The following RNF125 variants were observed in gnomAD, a reference collection of about 807,000 sequenced individuals.
RNF125 encodes the protein E3 ubiquitin-protein ligase RNF125.
RNF125 carries 21 observed loss-of-function variants against 26.0 expected under a neutral mutation model. That is an observed-to-expected ratio of 0.81 (90% CI 0.57 to 1.16). The LOEUF (loss-of-function observed/expected upper bound fraction) is 1.16, where lower values mean the gene tolerates loss of function less well. RNF125 is among the 50% of genes most tolerant of loss of function. The probability of loss-of-function intolerance (pLI) is 0.00; values close to 1 mark genes in which losing one functional copy is unlikely to be tolerated. For missense variants in RNF125, 270 were observed against 299.4 expected (o/e 0.90, Z 0.72); for synonymous variants, 95 against 109.2 (o/e 0.87, Z 0.81).
intron 4 of RNF125, among the ~76,000 whole-genome samples, chr18:32,051,709 T>TG (rs1555693504): frequency 2.7e-5 from 4 of 150,390 alleles, no homozygotes; most frequent in Non-Finnish European, 4.4e-5. Context: ...TTTTTTTTTT[T>TG]GTTTGAGATA....
At chr18:32,056,241 G>T (rs1051919614) in intron 4 of RNF125, among the ~76,000 whole-genome samples, 1 of 151,852 alleles carries the variant, frequency 6.6e-6, no homozygotes, top group African/African-American at 2.4e-5. Flanking sequence ...CAGACTTCAG[G>T]TACTGACTCC....
chr18:32,043,148 C>CA lies in RNF125; in HGVS notation c.413+885dup, dbSNP rs548477193. On this transcript the variant is annotated intron_variant, in intron 3 of 5. Coordinates refer to ENST00000217740, the MANE Select transcript of RNF125 (RefSeq NM_017831.4). ...TGGGTGACAGAGCGAGACTCTGTCT[C>CA]AAAAAAAAAAGAAACACATCTAAGT... 9.1e-3 allele frequency among the ~76,000 whole-genome samples: 1,306 copies of CA among 143,772 alleles called. 14 individuals are homozygous for CA. Among genetic ancestry groups the CA allele is most frequent in the Non-Finnish European group, 0.013 (857 of 65,458 alleles). 94.3% of individuals were successfully genotyped at this position (143,772 alleles called of 152,430 possible).
At chr18:32,059,719 A>C (rs1162174287) in intron 4 of RNF125, among the ~76,000 whole-genome samples, 1 of 152,126 alleles carries the variant, frequency 6.6e-6, no homozygotes, top group Non-Finnish European at 1.5e-5. Flanking sequence ...GAGTTTCTCC[A>C]ATGTTTTCTT....
intron 1 of RNF125, among the ~76,000 whole-genome samples, chr18:32,029,612 C>G (rs1283393702): frequency 9.6e-6 from 1 of 104,312 alleles, no homozygotes; most frequent in Non-Finnish European, 2.0e-5. Context: ...AGAATGAGAC[C>G]CTGCCTCAAA....
the RNF125 span, among the ~76,000 whole-genome samples, chr18:32,089,130 G>C: frequency 2.6e-5 from 4 of 152,302 alleles, no homozygotes; most frequent in East Asian, 7.7e-4. Flanking sequence ...GTGAAGCTAG[G>C]ACATATCTCA....
At chr18:32,076,221 T>A, downstream of RNF125, 1 of 463,474 alleles carries the variant, frequency 2.2e-6, no homozygotes, top group African/African-American at 2.0e-5. Context: ...CCTCTCTTTT[T>A]GGCATTGTTG....
intron 3 of RNF125, among the ~76,000 whole-genome samples, chr18:32,044,926 G>A (rs375087785): frequency 7.2e-5 from 11 of 151,988 alleles, no homozygotes; most frequent in African/African-American, 2.7e-4. Flanking sequence ...TTTGAGACCA[G>A]CTTGGGCAAC....
At chr18:32,049,422 A>G (rs1422361809) in intron 4 of RNF125, among the ~76,000 whole-genome samples, 2 of 152,218 alleles carry the variant, frequency 1.3e-5, no homozygotes, top group African/African-American at 2.4e-5. Context: ...CATATAATAA[A>G]GTAAGCACTC....
intron 4 of RNF125, among the ~76,000 whole-genome samples, chr18:32,047,093 G>A (rs971401006): frequency 1.3e-5 from 2 of 152,114 alleles, no homozygotes; most frequent in African/African-American, 2.4e-5. Context: ...CTGGAGTGCA[G>A]TGGCTTGATC....
chr18:32,041,927 G>GC lies in RNF125; in HGVS notation c.319-250dup, dbSNP rs2039224267. The GC allele has an allele frequency of 1.0e-5, 4 of 382,010 alleles. No individual in the cohort carries two copies. The Admixed American group carries it at 1.8e-4, about 17-fold the overall frequency. The allele number at this position is 382,010 out of a possible 1,614,324, so 23.7% of individuals were successfully genotyped here. On this transcript the variant is annotated intron_variant, in intron 2 of 5. Coordinates refer to ENST00000217740, the MANE Select transcript of RNF125 (RefSeq NM_017831.4). ...TTACAGGCGTGAGCCACCGCGCCCG[G>GC]CCGTATATGCTTTTTAGAAGAACCA...
rs1264931830 is a variant in RNF125 at position 32,042,177 on chromosome 18, A to G, written c.319-2A>G. 1 of 1,608,152 alleles carries G rather than the reference A, an allele frequency of 6.2e-7. No homozygotes were observed. On this transcript the variant is annotated splice_acceptor_variant, in intron 2 of 5. Transcript: ENST00000217740. LOFTEE classifies it high-confidence loss of function. ...GTTTATTTTGAATTTGTTTTTATGT[A>G]GGTTTGCCTCAGTGAAATGAGGGCA...
intron 4 of RNF125, among the ~76,000 whole-genome samples, chr18:32,051,358 T>C (rs2039325411): frequency 6.6e-6 from 1 of 151,974 alleles, no homozygotes; most frequent in Non-Finnish European, 1.5e-5. Context: ...GGCTCACATG[T>C]GTAATCCCAG....
chr18:32,050,129 A>T (rs1230908475), intron 4 of RNF125, among the ~76,000 whole-genome samples: 1 of 152,200 alleles, frequency 6.6e-6, no homozygotes, highest in Non-Finnish European at 1.5e-5. Flanking sequence ...TGGGTAAATG[A>T]TTCTTCTGAC....
chr18:32,026,826 T>A (rs2039041336), intron 1 of RNF125, among the ~76,000 whole-genome samples: 2 of 152,230 alleles, frequency 1.3e-5, no homozygotes, highest in Non-Finnish European at 2.9e-5. Context: ...CAAGAAGCTC[T>A]TGATGGCTTC....
intron 2 of RNF125, among the ~76,000 whole-genome samples, chr18:32,040,807 T>C (rs2039209453): frequency 6.6e-6 from 1 of 152,144 alleles, no homozygotes; most frequent in South Asian, 2.1e-4. Flanking sequence ...CAAATAGAAA[T>C]TTTTACCAGC....
intron 1 of RNF125, among the ~76,000 whole-genome samples, chr18:32,029,984 T>C (rs923603787): frequency 1.1e-4 from 17 of 152,176 alleles, no homozygotes; most frequent in East Asian, 3.8e-4. Context: ...CAAGTCTCCA[T>C]TGACCTCAGA....
Position 32,072,542 on chromosome 18 carries a change from A to G in RNF125, c.*4158A>G, listed in dbSNP as rs2039542311. 1 of 152,220 alleles carries G rather than the reference A, an allele frequency of 6.6e-6. No individual in the cohort carries two copies. Among genetic ancestry groups the G allele is most frequent in the Non-Finnish European group, 1.5e-5 (1 of 68,034 alleles). 9.4% of individuals were successfully genotyped at this position (152,220 alleles called of 1,614,324 possible). ...TCCTTTTATGATAATTTTGCCACCT[A>G]CAGGACAGATTAGGTGCTGGTCGCC... On this transcript the variant is annotated 3_prime_UTR_variant, in exon 6 of 6. Transcript: ENST00000217740.
chr18:32,062,151 G>T (rs756690004), intron 4 of RNF125, among the ~76,000 whole-genome samples: 21 of 152,168 alleles, frequency 1.4e-4, no homozygotes, highest in Non-Finnish European at 2.4e-4. Flanking sequence ...TTCACAGAAG[G>T]GGAAACTTAT....
chr18:32,047,849 G>A (rs686271), intron 4 of RNF125, among the ~76,000 whole-genome samples: 61,481 of 151,974 alleles, frequency 0.4, 12,415 homozygotes, highest in South Asian at 0.44. Flanking sequence ...AGATACAGCC[G>A]GGTACAGTGG....
Sources: gnomAD v4.1 joint callset for allele counts (sites outside exome capture counted in the v4.1 genomes callset) on GRCh38, gnomAD v4.1.1 for gene constraint, MANE v1.5 for transcripts, NCBI Gene and HGNC (gene_info 2026-07-23, HGNC 2026-07-21) for gene names.